The following UMODL1 variants were observed in gnomAD, a reference collection of about 807,000 sequenced individuals.
UMODL1 encodes the protein uromodulin-like 1.
Under a neutral mutation model 136.3 loss-of-function variants are expected in UMODL1, and 128 were observed. The observed-to-expected ratio is 0.94, with a 90% CI of 0.81 to 1.09. The LOEUF (loss-of-function observed/expected upper bound fraction) is 1.09, where lower values mean the gene tolerates loss of function less well. Among genes scored for constraint, UMODL1 ranks in the 50% least tolerant of loss-of-function variants. The pLI, the probability that UMODL1 is intolerant of heterozygous loss-of-function variation, is 0.00. For synonymous variants in UMODL1, 721 were observed against 720.0 expected (o/e 1.00, Z -0.02); for missense variants, 1,766 against 1,725.6 (o/e 1.02, Z -0.41).
At chr21:42,136,907 G>A (rs531765050) in intron 21 of UMODL1, among the ~76,000 whole-genome samples, 6 of 151,948 alleles carry the variant, frequency 3.9e-5, no homozygotes, top group Admixed American at 2.0e-4. Context: ...ACAGACATGC[G>A]CCACCATGCC....
At chr21:42,096,715 G>T (rs546202407) in intron 6 of UMODL1, among the ~76,000 whole-genome samples, 2 of 152,272 alleles carry the variant, frequency 1.3e-5, no homozygotes, top group East Asian at 3.9e-4. Context: ...GGGCTGGGGG[G>T]CTGCTGTTAT....
At chr21:42,092,667 A>G (rs527269893) in intron 6 of UMODL1, among the ~76,000 whole-genome samples, 1 of 152,326 alleles carries the variant, frequency 6.6e-6, no homozygotes, top group East Asian at 1.9e-4. Context: ...TTCGTTAATC[A>G]TTTAATTTGC....
At chr21:42,107,476 G>C (rs2066738161) in intron 9 of UMODL1, among the ~76,000 whole-genome samples, 1 of 152,204 alleles carries the variant, frequency 6.6e-6, no homozygotes. Flanking sequence ...GGCCGTGAGT[G>C]AGGATCCTGG....
chr21:42,076,154 C>G lies in UMODL1; in HGVS notation c.226C>G (p.Arg76Gly), dbSNP rs372434194. The G allele has an allele frequency of 6.2e-7, 1 of 1,614,236 alleles. No homozygotes were observed. Among genetic ancestry groups the G allele is most frequent in the Non-Finnish European group, 8.5e-7 (1 of 1,180,044 alleles). Residue 76 changes from arginine (R) to glycine (G), a missense_variant, in exon 2 of 23, where the codon CGG (arginine) becomes GGG (glycine). Arg to Gly is a moderately radical substitution (Grantham distance 125, BLOSUM62 -2). Transcript: ENST00000408910. ...PWRRCPKMVY[R>G]TQYLVVEVPE... ...GAGGCGGTGCCCTAAGATGGTTTACCGGACACAGTACCTGGTAGTGGAGGT... is the reference window on the plus strand; with the variant it reads ...GAGGCGGTGCCCTAAGATGGTTTACGGGACACAGTACCTGGTAGTGGAGGT...
Position 42,075,988 on chromosome 21 carries a change from T to A in UMODL1, c.77-17T>A. 6.2e-7 allele frequency: 1 copy of A among 1,611,934 alleles called. No homozygotes were observed. Among genetic ancestry groups the A allele is most frequent in the Admixed American group, 1.7e-5 (1 of 60,014 alleles). Reference sequence around the variant, plus strand: ...ATCCTGGTGTTCTCAGTCGCCTTCTTGCTTGGCCTCTTTCAGAAAAAGGCC... The same window carrying A: ...ATCCTGGTGTTCTCAGTCGCCTTCTAGCTTGGCCTCTTTCAGAAAAAGGCC... On this transcript the variant is annotated splice_polypyrimidine_tract_variant and intron_variant, in intron 1 of 22. Coordinates refer to ENST00000408910, the MANE Select transcript of UMODL1 (RefSeq NM_001004416.3).
chr21:42,126,383 C>A lies in UMODL1; in HGVS notation c.3186C>A (p.Asn1062Lys), dbSNP rs527815090. 2.5e-6 allele frequency: 4 copies of A among 1,614,202 alleles called. No homozygotes were observed. Among genetic ancestry groups the A allele is most frequent in the Non-Finnish European group, 3.4e-6 (4 of 1,180,042 alleles). ...TNTVVRTTLR[N>K]DLSQEGIIHH... is the part of the protein sequence containing the mutation. ...CCGTGGTGAGGACCACGCTGAGGAA[C>A]GACCTGTCCCAGGAGGGCATCATCC... The change falls in exon 18 of 23, where the codon AAC (asparagine) becomes AAA (lysine). Residue 1062 changes from asparagine to lysine, a missense_variant. Coordinates refer to ENST00000408910, the MANE Select transcript of UMODL1 (RefSeq NM_001004416.3).
intron 6 of UMODL1, among the ~76,000 whole-genome samples, chr21:42,092,158 A>G (rs536045807): frequency 3.3e-4 from 51 of 152,340 alleles, no homozygotes; most frequent in African/African-American, 1.2e-3. Context: ...GAAGGGAAGC[A>G]GCCAGCAGCC....
intron 21 of UMODL1, among the ~76,000 whole-genome samples, chr21:42,136,791 C>T (rs1438543821): frequency 6.6e-6 from 1 of 151,926 alleles, no homozygotes; most frequent in African/African-American, 2.4e-5. Flanking sequence ...CCGAGTCTTG[C>T]TCTGTAACCA....
intron 17 of UMODL1, among the ~76,000 whole-genome samples, chr21:42,124,727 C>T (rs956837461): frequency 1.3e-5 from 2 of 151,892 alleles, no homozygotes; most frequent in Non-Finnish European, 2.9e-5. Flanking sequence ...TGGTCGTTGG[C>T]GGGAACTCTG....
intron 5 of UMODL1, 113 bp downstream of exon 5, chr21:42,088,593 T>A: frequency 8.9e-7 from 1 of 1,127,598 alleles, no homozygotes; most frequent in Non-Finnish European, 1.2e-6. Flanking sequence ...AAAGGAGGTT[T>A]AAGTTCAGGA....
chr21:42,112,380 A>C, intron 12 of UMODL1, among the ~76,000 whole-genome samples: 2 of 145,402 alleles, frequency 1.4e-5, no homozygotes. Flanking sequence ...GCTGTTCTGC[A>C]CCCCCAGTTG....
chr21:42,089,183 G>A (rs1366901638), intron 5 of UMODL1, among the ~76,000 whole-genome samples: 5 of 152,164 alleles, frequency 3.3e-5, no homozygotes, highest in East Asian at 3.8e-4. Context: ...GCTCCCGTAC[G>A]GCTTCCTGTA....
intron 6 of UMODL1, among the ~76,000 whole-genome samples, chr21:42,097,749 G>A (rs908273140): frequency 3.3e-5 from 5 of 152,204 alleles, no homozygotes; most frequent in Admixed American, 1.3e-4. Flanking sequence ...ATTTTGGTGC[G>A]TAGACTGGGG....
At chr21:42,103,843 T>C (rs1411882383) in intron 8 of UMODL1, 25 bp from the exon 9 acceptor site, 1 of 1,613,684 alleles carries the variant, frequency 6.2e-7, no homozygotes, top group East Asian at 2.2e-5. Flanking sequence ...TTGATGGATG[T>C]CTGCTGTTGC....
chr21:42,130,378 T>C (rs566876396), intron 21 of UMODL1, among the ~76,000 whole-genome samples: 2 of 152,276 alleles, frequency 1.3e-5, no homozygotes, highest in South Asian at 4.1e-4. Context: ...AAACCCCACA[T>C]CAACTTTCCA....
rs2066985429 is a variant in UMODL1 at position 42,122,503 on chromosome 21, T to C, written c.2828-328T>C. On this transcript the variant is annotated intron_variant, in intron 16 of 22. Coordinates refer to ENST00000408910, the MANE Select transcript of UMODL1 (RefSeq NM_001004416.3). The surrounding 1 kb of genome is among the most constrained non-coding windows in gnomAD (Gnocchi z 4.3). The stretch of plus-strand genomic sequence containing the variant: ...GGCCCTCGGGGGCCCATGGTGAGCC[T>C]GGATCCCTGAGCTGGTGGAAATGTG... Among the ~76,000 whole-genome samples the C allele has an allele frequency of 6.6e-6, 1 of 152,184 alleles. No homozygotes were observed. Among genetic ancestry groups the C allele is most frequent in the African/African-American group, 2.4e-5 (1 of 41,442 alleles).
chr21:42,104,672 A>C (rs2066690368), intron 9 of UMODL1, among the ~76,000 whole-genome samples: 1 of 151,080 alleles, frequency 6.6e-6, no homozygotes, highest in Non-Finnish European at 1.5e-5. Context: ...CTGGTCTCGA[A>C]CTCCTGACCT....
intron 2 of UMODL1, among the ~76,000 whole-genome samples, chr21:42,077,610 G>A (rs954205186): frequency 5.9e-5 from 9 of 152,252 alleles, no homozygotes; most frequent in Admixed American, 3.9e-4. Flanking sequence ...GAATTCCTGG[G>A]AACTGCGGAT....
chr21:42,109,694 G>A lies in UMODL1; in HGVS notation c.1652G>A (p.Cys551Tyr). 3.1e-6 allele frequency: 5 copies of A among 1,601,980 alleles called. No individual in the cohort carries two copies. Among genetic ancestry groups the A allele is most frequent in the Non-Finnish European group, 4.2e-6 (5 of 1,179,856 alleles). ...DATPSRAGRA[C>Y]EGDLVSPMGG... ...ACCCCCTCCCGCGCAGGCCGGGCCT[G>A]TGAGGGTACGTGTCGACCCCCCTGC... The change falls in exon 10 of 23, where the codon TGT becomes TAT. Residue 551 changes from cysteine to tyrosine, a missense_variant. Physicochemically the swap from Cys to Tyr is radical, Grantham distance 194. Coordinates refer to ENST00000408910, the MANE Select transcript of UMODL1 (RefSeq NM_001004416.3).
Sources: allele counts gnomAD v4.1 joint callset (sites outside exome capture counted in the v4.1 genomes callset), GRCh38; gene constraint gnomAD v4.1.1; non-coding constraint Gnocchi (gnomAD v3.1); transcripts MANE v1.5; gene names NCBI Gene and HGNC (gene_info 2026-07-23, HGNC 2026-07-21).